The following CHST10 variants were observed in gnomAD, a reference collection of about 807,000 sequenced individuals.
CHST10 encodes HNK-1 sulfotransferase.
Under a neutral mutation model 34.7 loss-of-function variants are expected in CHST10, and 24 were observed. That is an observed-to-expected ratio of 0.69 (90% CI 0.50 to 0.97). The LOEUF is 0.97. CHST10 is among the 50% of genes least tolerant of loss of function. The probability of loss-of-function intolerance (pLI) is 0.00; values close to 1 mark genes in which losing one functional copy is unlikely to be tolerated. For synonymous variants in CHST10, 161 were observed against 169.3 expected (o/e 0.95, Z 0.38); for missense variants, 402 against 452.1 (o/e 0.89, Z 1.00).
chr2:100,403,527 C>A (rs562156329), intron 3 of CHST10, among the ~76,000 whole-genome samples: 205 of 152,280 alleles, frequency 1.3e-3, no homozygotes, highest in African/African-American at 4.6e-3. Flanking sequence ...TTGCTTTAAA[C>A]AGCAACTCAC....
intron 4 of CHST10, 24 bp downstream of exon 4, chr2:100,402,540 G>A: frequency 1.2e-6 from 2 of 1,603,094 alleles, no homozygotes; most frequent in Non-Finnish European, 1.7e-6. Flanking sequence ...AAGAGGACAA[G>A]GACCACGGCC....
At chr2:100,414,560 T>G (rs1675984869) in intron 2 of CHST10, among the ~76,000 whole-genome samples, 1 of 152,158 alleles carries the variant, frequency 6.6e-6, no homozygotes. Flanking sequence ...TAATGCAAAG[T>G]GTGGCATATG....
chr2:100,398,059 G>A lies in CHST10; in HGVS notation c.276C>T (p.Cys92=). Residue 92 remains cysteine, a synonymous_variant, in exon 5 of 7, where the codon TGC becomes TGT. Coordinates refer to ENST00000264249, the MANE Select transcript of CHST10 (RefSeq NM_004854.5). ...MERLELIRNV[C]RDDALKNLSH... ...AGAGATTCTTCAGGGCATCATCCCT[G>A]CAGACGTTTCTGATGAGTTCCAGGC... 6.2e-7 allele frequency: 1 copy of A among 1,614,230 alleles called. No individual in the cohort carries two copies. The highest frequency in any genetic ancestry group is 1.3e-5 in the African/African-American group (1 of 75,058).
chr2:100,403,190 T>G (rs1310180144), intron 3 of CHST10, among the ~76,000 whole-genome samples: 1 of 152,138 alleles, frequency 6.6e-6, no homozygotes, highest in African/African-American at 2.4e-5. Context: ...CATGCAAAGA[T>G]GGTCAAGGCT....
chr2:100,395,350 G>C (rs535766559), intron 6 of CHST10, among the ~76,000 whole-genome samples, 159 bp downstream of exon 6: 3 of 152,274 alleles, frequency 2.0e-5, no homozygotes, highest in East Asian at 3.9e-4. Flanking sequence ...GGCGCCGAAT[G>C]GGGGGTGTAG....
intron 3 of CHST10, 53 bp downstream of exon 3, chr2:100,406,523 T>C: frequency 6.2e-7 from 1 of 1,605,420 alleles, no homozygotes; most frequent in East Asian, 2.2e-5. Flanking sequence ...AGGAACAGTG[T>C]TGCAGCTAGG....
At chr2:100,401,326 T>C (rs1214592549) in intron 4 of CHST10, among the ~76,000 whole-genome samples, 2 of 152,108 alleles carry the variant, frequency 1.3e-5, no homozygotes, top group Non-Finnish European at 2.9e-5. Context: ...ACCAATGAGA[T>C]TGAAACCCAG....
chr2:100,412,213 C>T (rs79068207), intron 2 of CHST10, among the ~76,000 whole-genome samples: 2 of 152,170 alleles, frequency 1.3e-5, no homozygotes, highest in South Asian at 2.1e-4. Context: ...AATTCTAACC[C>T]GGCACAAGCA....
intron 3 of CHST10, among the ~76,000 whole-genome samples, chr2:100,404,010 A>G (rs1409174768): frequency 1.3e-5 from 2 of 152,138 alleles, no homozygotes; most frequent in African/African-American, 2.4e-5. Context: ...CTGAGTGTAA[A>G]TGCTCTTGAT....
rs959533769 is a variant in CHST10 at position 100,417,179 on chromosome 2, T to G, written c.-104+195A>C. ...CAGCATCCCGCACAAGGACGCCTTC[T>G]TATTGCATAATTAACGCGAGGAAGG... On this transcript the variant is annotated intron_variant, in intron 1 of 6. Transcript: ENST00000264249. The G allele has an allele frequency of 1.1e-5, 7 of 652,618 alleles. No individual in the cohort carries two copies. The African/African-American group carries it at 1.3e-4, about 12-fold the overall frequency. 40.4% of individuals were successfully genotyped at this position (652,618 alleles called of 1,614,324 possible). A position where few individuals can be genotyped will look rare whatever the true frequency, so the allele number is the denominator to read the frequency against.
rs77557768 is a variant in CHST10 at position 100,409,483 on chromosome 2, G to A, written c.-32-2776C>T. Among the ~76,000 whole-genome samples the A allele has an allele frequency of 3.7e-3, 558 of 152,234 alleles. 2 individuals are homozygous for A. The highest frequency in any genetic ancestry group is 6.6e-3 in the South Asian group (32 of 4,822). ...TTCATTTAAAAGTCAGGAGCTCTTA[G>A]CTTCTTTCAGCTGGGCGGGGGGTCA... is the stretch of plus-strand genomic sequence containing the variant. On this transcript the variant is annotated intron_variant, in intron 2 of 6. Transcript: ENST00000264249.
chr2:100,407,444 C>G (rs1250475305), intron 2 of CHST10, among the ~76,000 whole-genome samples: 3 of 152,166 alleles, frequency 2.0e-5, no homozygotes, highest in African/African-American at 7.2e-5. Context: ...TGTTTCATTT[C>G]ACCTTTAACA....
intron 3 of CHST10, among the ~76,000 whole-genome samples, chr2:100,405,436 C>T (rs1675526556): frequency 6.6e-6 from 1 of 152,172 alleles, no homozygotes; most frequent in Non-Finnish European, 1.5e-5. Context: ...TGCAGACCTC[C>T]CTTCTAACCT....
chr2:100,394,471 A>C (rs1337738781), intron 6 of CHST10, among the ~76,000 whole-genome samples: 1 of 152,182 alleles, frequency 6.6e-6, no homozygotes, highest in Non-Finnish European at 1.5e-5. Flanking sequence ...CAAAAGCCCC[A>C]TGAGTGCTCA....
Position 100,392,872 on chromosome 2 carries a change from CAG to C in CHST10, c.*371_*372del. ...GATGGGTGAAGCCACCCTGACTAGC[CAG>C]GAGAACCTCAGGGGCATCCCCTTCC... On this transcript the variant is annotated 3_prime_UTR_variant, in exon 7 of 7. Transcript: ENST00000264249. The C allele has an allele frequency of 1.3e-5, 3 of 230,628 alleles. No individual in the cohort carries two copies. The highest frequency in any genetic ancestry group is 8.3e-5 in the South Asian group (1 of 12,054). The allele number at this position is 230,628 out of a possible 1,614,324, so 14.3% of individuals were successfully genotyped here.
intron 1 of CHST10, chr2:100,416,973 C>T (rs1474541279): frequency 5.4e-6 from 7 of 1,304,204 alleles, no homozygotes; most frequent in Non-Finnish European, 7.1e-6. Context: ...ATTCCCACCC[C>T]TGACTCCCCT....
chr2:100,415,651 C>T (rs78342084), intron 1 of CHST10: 361 of 152,456 alleles, frequency 2.4e-3, no homozygotes, highest in Non-Finnish European at 3.9e-3. Context: ...ACATGCAGCA[C>T]GGTCTCTCTC....
At chr2:100,400,674 G>A (rs893645964) in intron 4 of CHST10, among the ~76,000 whole-genome samples, 1 of 152,116 alleles carries the variant, frequency 6.6e-6, no homozygotes, top group African/African-American at 2.4e-5. Context: ...GCTACACCAT[G>A]CACAAAGTAA....
At position 100,392,987 on chromosome 2, in the gene CHST10, CCT is replaced by C. The variant is rs1192954795; in HGVS notation, c.*256_*257del. The C allele has an allele frequency of 2.9e-5, 15 of 521,464 alleles. No individual in the cohort carries two copies. The highest frequency in any genetic ancestry group is 4.8e-5 in the Non-Finnish European group (14 of 290,484). The allele number at this position is 521,464 out of a possible 1,614,324, so 32.3% of individuals were successfully genotyped here. A position where few individuals can be genotyped will look rare whatever the true frequency, so the allele number is the denominator to read the frequency against. ...ACTGCAAATCTTTAGCCTTTTCTCC[CCT>C]CTGAGGTGAGCAAAGGCCAGCGACA... On this transcript the variant is annotated 3_prime_UTR_variant, in exon 7 of 7. Coordinates refer to ENST00000264249, the MANE Select transcript of CHST10 (RefSeq NM_004854.5).
Sources: allele counts gnomAD v4.1 joint callset (sites outside exome capture counted in the v4.1 genomes callset), GRCh38; gene constraint gnomAD v4.1.1; transcripts MANE v1.5; gene names NCBI Gene and HGNC (gene_info 2026-07-23, HGNC 2026-07-21).